Variants in FAM20C observed in about 807,000 individuals in gnomAD.
FAM20C encodes FAM20C golgi associated secretory pathway kinase, also known as extracellular serine/threonine protein kinase FAM20C.
Under a neutral mutation model 51.5 loss-of-function variants are expected in FAM20C, and 40 were observed. The observed-to-expected ratio is 0.78, with a 90% CI of 0.60 to 1.01. The LOEUF (loss-of-function observed/expected upper bound fraction) is 1.01. FAM20C is among the 50% of genes least tolerant of loss of function. The pLI is 0.00. For synonymous variants in FAM20C, 406 were observed against 380.6 expected (o/e 1.07, Z -0.78); for missense variants, 861 against 844.7 (o/e 1.02, Z -0.24).
chr7:248,358 G>A lies in FAM20C; in HGVS notation c.1000G>A (p.Val334Ile), dbSNP rs926834990. ...RRVPPVAGRMVNMTKEIRDVT... is the reference protein window; with the variant it reads ...RRVPPVAGRMINMTKEIRDVT... ...GGTCCCTCCCGTGGCCGGCAGGATGGTCAACATGACCAAGGAGATCCGGGA... is the reference window on the plus strand; with the variant it reads ...GGTCCCTCCCGTGGCCGGCAGGATGATCAACATGACCAAGGAGATCCGGGA... The change falls in exon 5 of 10, where the codon GTC becomes ATC. Residue 334 changes from valine (V) to isoleucine (I), a missense_variant. Transcript: ENST00000313766. The A allele has an allele frequency of 2.6e-6, 4 of 1,537,066 alleles. No individual in the cohort carries two copies. Among genetic ancestry groups the A allele is most frequent in the African/African-American group, 1.4e-5 (1 of 73,054 alleles).
chr7:213,671 T>C (rs1295917105), intron 3 of FAM20C, among the ~76,000 whole-genome samples: 1 of 152,196 alleles, frequency 6.6e-6, no homozygotes, highest in African/African-American at 2.4e-5. Context: ...TCAGCTCTCT[T>C]GGATGTATTC....
chr7:224,291 G>GCAGAACAACCTGGGTTTCACT lies in FAM20C; in HGVS notation c.863+15315_863+15316insCAGAACAACCTGGGTTTCACT, dbSNP rs1562381263. 5.2e-4 allele frequency among the ~76,000 whole-genome samples: 9 copies of GCAGAACAACCTGGGTTTCACT among 17,242 alleles called. 1 individual carries two copies. Among genetic ancestry groups the GCAGAACAACCTGGGTTTCACT allele is most frequent in the Non-Finnish European group, 7.6e-4 (5 of 6,622 alleles). 11.3% of individuals were successfully genotyped at this position (17,242 alleles called of 152,430 possible). On this transcript the variant is annotated intron_variant, in intron 3 of 9. Transcript: ENST00000313766. ...GGCTGTCCCCTGAGCCTTCTCTCAC[G>GCAGAACAACCTGGGTTTCACT]GAGCAGAATGGCACCGTCACGGGGG...
At chr7:215,261 A>G in intron 3 of FAM20C, among the ~76,000 whole-genome samples, 1 of 105,676 alleles carries the variant, frequency 9.5e-6, no homozygotes, top group Non-Finnish European at 2.1e-5. Context: ...GTGTATGGAG[A>G]GGATGGAGCT....
At chr7:218,341 G>A (rs1787099095) in intron 3 of FAM20C, among the ~76,000 whole-genome samples, 1 of 152,238 alleles carries the variant, frequency 6.6e-6, no homozygotes, top group Non-Finnish European at 1.5e-5. Flanking sequence ...CCGTCCTGGA[G>A]GGTCCCTCCG....
chr7:258,141 A>T (rs368818101), intron 8 of FAM20C, among the ~76,000 whole-genome samples: 17 of 31,602 alleles, frequency 5.4e-4, no homozygotes, highest in African/African-American at 1.8e-3. Context: ...GGACCCACTG[A>T]CTGGGGTGCT....
chr7:222,395 G>A (rs1415896703), intron 3 of FAM20C, among the ~76,000 whole-genome samples: 1 of 152,096 alleles, frequency 6.6e-6, no homozygotes, highest in Admixed American at 6.5e-5. Flanking sequence ...AGCCCCCACT[G>A]TGGTCCCCAG....
chr7:248,971 AC>A (rs1788290388), intron 5 of FAM20C, among the ~76,000 whole-genome samples: 2 of 152,150 alleles, frequency 1.3e-5, no homozygotes, highest in Admixed American at 1.3e-4. Flanking sequence ...CTCCTTCCAC[AC>A]CCGGAGTGCC....
At chr7:204,285 G>A (rs553531367) in intron 2 of FAM20C, among the ~76,000 whole-genome samples, 11 of 152,358 alleles carry the variant, frequency 7.2e-5, no homozygotes, top group Non-Finnish European at 1.0e-4. Context: ...CTGCTGGCCC[G>A]CCTGAGGCTG....
At chr7:258,809 G>C in intron 9 of FAM20C, 104 bp downstream of exon 9, 1 of 1,128,320 alleles carries the variant, frequency 8.9e-7, no homozygotes, top group Non-Finnish European at 1.2e-6. Context: ...CATCACATGG[G>C]AGAGAAAAGG....
At chr7:199,086 G>T (rs1483515415) in intron 2 of FAM20C, among the ~76,000 whole-genome samples, 2 of 152,246 alleles carry the variant, frequency 1.3e-5, no homozygotes, top group African/African-American at 4.8e-5. Flanking sequence ...AAGAGGGCTG[G>T]CCTAGGCCAG....
intron 3 of FAM20C, among the ~76,000 whole-genome samples, chr7:210,785 C>T (rs1326396047): frequency 1.3e-5 from 2 of 152,148 alleles, no homozygotes; most frequent in African/African-American, 4.8e-5. Flanking sequence ...TCCTCAGGCC[C>T]CGTTTCTCAT....
At chr7:236,112 A>G (rs1787840094) in intron 3 of FAM20C, among the ~76,000 whole-genome samples, 1 of 152,210 alleles carries the variant, frequency 6.6e-6, no homozygotes, top group Non-Finnish European at 1.5e-5. Flanking sequence ...CCTTCCGTGC[A>G]GAGGGTTCAG....
At chr7:231,755 C>A (rs75711295) in intron 3 of FAM20C, among the ~76,000 whole-genome samples, 2,808 of 152,290 alleles carry the variant, frequency 0.018, 35 homozygotes, top group Non-Finnish European at 0.031. Flanking sequence ...CCAGCTCTTA[C>A]GGCCTCTCAG....
chr7:198,263 A>T (rs1482283770), intron 2 of FAM20C, among the ~76,000 whole-genome samples: 1 of 152,168 alleles, frequency 6.6e-6, no homozygotes, highest in Non-Finnish European at 1.5e-5. Flanking sequence ...GGCCCAGGAG[A>T]TCTGGGGGTG....
At position 193,370 on chromosome 7, in the gene FAM20C, G is replaced by C. The variant is rs1785667978; in HGVS notation, c.171G>C (p.Ala57=). The C allele has an allele frequency of 2.4e-6, 3 of 1,267,026 alleles. No homozygotes were observed. Among genetic ancestry groups the C allele is most frequent in the Non-Finnish European group, 3.0e-6 (3 of 1,007,230 alleles). 78.5% of individuals were successfully genotyped at this position (1,267,026 alleles called of 1,614,324 possible). A position where few individuals can be genotyped will look rare whatever the true frequency, so the allele number is the denominator to read the frequency against. Residue 57 remains alanine, a synonymous_variant, in exon 1 of 10, where the codon GCG becomes GCC. Transcript: ENST00000313766. Reference sequence around the variant, plus strand: ...CGCAGCCCGCCGCCGAGGTGGCCGCGCCCGGCTGGGCCCAGGTTCGGGGCC... The same window carrying C: ...CGCAGCCCGCCGCCGAGGTGGCCGCCCCCGGCTGGGCCCAGGTTCGGGGCC... ...SCAQPAAEVA[A]PGWAQVRGRP...
chr7:198,413 A>G (rs1156368040), intron 2 of FAM20C, among the ~76,000 whole-genome samples: 1 of 152,136 alleles, frequency 6.6e-6, no homozygotes, highest in African/African-American at 2.4e-5. Flanking sequence ...TACAAATCTG[A>G]ATGCCAAGCA....
chr7:241,591 A>AGTGTGCATATATGTCCATGCACAC (rs1787948181), intron 3 of FAM20C, among the ~76,000 whole-genome samples: 1 of 145,974 alleles, frequency 6.9e-6, no homozygotes, highest in Admixed American at 6.7e-5. Flanking sequence ...CACTCCTGCG[A>AGTGTGCATATATGTCCATGCACAC]GTGTGCATAT....
chr7:226,467 C>T (rs960612771), intron 3 of FAM20C, among the ~76,000 whole-genome samples: 3 of 152,328 alleles, frequency 2.0e-5, no homozygotes, highest in African/African-American at 7.2e-5. Flanking sequence ...AGGACGAGGG[C>T]CCAAGGCTCA....
chr7:241,818 T>C (rs1216732168), intron 3 of FAM20C, among the ~76,000 whole-genome samples: 1 of 151,738 alleles, frequency 6.6e-6, no homozygotes, highest in Non-Finnish European at 1.5e-5. Flanking sequence ...TGTGCATCTG[T>C]GTGTGTGCCC....
Sources: gnomAD v4.1 joint callset for allele counts (sites outside exome capture counted in the v4.1 genomes callset) on GRCh38, gnomAD v4.1.1 for gene constraint, MANE v1.5 for transcripts, NCBI Gene and HGNC (gene_info 2026-07-23, HGNC 2026-07-21) for gene names.